OPCML: variants seen among roughly 807,000 people sequenced by gnomAD.
OPCML encodes the protein opioid-binding protein/cell adhesion molecule.
A neutral mutation model predicts 37.8 loss-of-function variants in OPCML; 13 were observed. The observed-to-expected ratio is 0.34, with a 90% CI of 0.22 to 0.55. The LOEUF (loss-of-function observed/expected upper bound fraction) is 0.55, where lower values mean the gene tolerates loss of function less well. Among genes scored for constraint, OPCML ranks in the 20% least tolerant of loss-of-function variants. OPCML has a pLI of 0.91. For missense variants in OPCML, 341 were observed against 435.6 expected, an observed-to-expected ratio of 0.78 and a Z score of 1.93; for synonymous variants, 176 against 168.8, an observed-to-expected ratio of 1.04 and a Z score of -0.33.
chr11:132,953,575 A>T (rs1042472526), intron 1 of OPCML, among the ~76,000 whole-genome samples: 1 of 152,302 alleles, frequency 6.6e-6, no homozygotes, highest in Admixed American at 6.5e-5. Flanking sequence ...ATTGAGACCT[A>T]CAAGCCATAA....
chr11:133,126,384 A>G (rs1402994051), intron 1 of OPCML, among the ~76,000 whole-genome samples: 1 of 152,134 alleles, frequency 6.6e-6, no homozygotes, highest in Admixed American at 6.5e-5. Context: ...TGTCAGTTTC[A>G]GCGCTCATCT....
chr11:132,909,222 A>T lies in OPCML; in HGVS notation c.146+33704T>A, dbSNP rs939750619. 3.3e-5 allele frequency among the ~76,000 whole-genome samples: 5 copies of T among 151,534 alleles called. No homozygotes were observed. The East Asian group carries it at 9.7e-4, about 29-fold the overall frequency. ...TCCACTTCTCACACATCCACACTTT[A>T]AAAAAAAATAACCAGTCTAATGGTA... is the stretch of plus-strand genomic sequence containing the variant. On this transcript the variant is annotated intron_variant, in intron 2 of 7. Transcript: ENST00000524381.
At chr11:132,546,554 T>C (rs1034733383) in intron 3 of OPCML, among the ~76,000 whole-genome samples, 3 of 152,326 alleles carry the variant, frequency 2.0e-5, no homozygotes, top group Non-Finnish European at 2.9e-5. Flanking sequence ...TAGTAAATCA[T>C]CTTTCCACAT....
At chr11:132,587,406 C>G (rs2096475292) in intron 3 of OPCML, among the ~76,000 whole-genome samples, 1 of 152,152 alleles carries the variant, frequency 6.6e-6, no homozygotes, top group Non-Finnish European at 1.5e-5. Flanking sequence ...GGCAGCCCAA[C>G]AGCAAAACAT....
intron 4 of OPCML, among the ~76,000 whole-genome samples, chr11:132,482,193 A>G (rs1565601137): frequency 2.0e-5 from 3 of 151,416 alleles, no homozygotes; most frequent in Admixed American, 2.0e-4. Context: ...AAAGAAAAAA[A>G]GAGAGAAGAA....
At chr11:133,094,955 T>C (rs1298760176) in intron 1 of OPCML, among the ~76,000 whole-genome samples, 7 of 152,092 alleles carry the variant, frequency 4.6e-5, no homozygotes, top group Non-Finnish European at 1.0e-4. Flanking sequence ...TATTTATTCA[T>C]CTGCTTGCTG....
rs1311064655 is a variant in OPCML at position 133,212,276 on chromosome 11, AG to A, written c.62-269267del. 6.6e-6 allele frequency among the ~76,000 whole-genome samples: 1 copy of A among 152,182 alleles called. No homozygotes were observed. Among genetic ancestry groups the A allele is most frequent in the Non-Finnish European group, 1.5e-5 (1 of 68,030 alleles). ...CAAAGTCCTCCTAATAGTCCGTGAC[AG>A]CCTACACAGCTGGGCATCATCTACC... is the stretch of plus-strand genomic sequence containing the variant. On this transcript the variant is annotated intron_variant, in intron 1 of 7. Transcript: ENST00000524381. This position sits in a 1 kb window ranked among gnomAD's most constrained non-coding sequence, Gnocchi z 4.9.
chr11:132,943,314 C>T lies in OPCML; in HGVS notation c.62-304G>A, dbSNP rs957844238. 1 of 646,356 alleles carries T rather than the reference C, an allele frequency of 1.5e-6. No individual in the cohort carries two copies. The highest frequency in any genetic ancestry group is 2.8e-5 in the East Asian group (1 of 35,636). The allele number at this position is 646,356 out of a possible 1,614,324, so 40.0% of individuals were successfully genotyped here. On this transcript the variant is annotated intron_variant, in intron 1 of 7. Coordinates refer to ENST00000524381, the MANE Select transcript of OPCML (RefSeq NM_001012393.5). The surrounding 1 kb of genome is among the most constrained non-coding windows in gnomAD (Gnocchi z 4.3). ...AGCCTAGCAGAACCAGATGCCCCCT[C>T]CTGCATCCAAAAAGAGCTTTCTTGA...
intron 1 of OPCML, among the ~76,000 whole-genome samples, chr11:133,479,764 C>T (rs1947334264): frequency 6.6e-6 from 1 of 152,200 alleles, no homozygotes. Context: ...GAGGACCACA[C>T]ACACCCACCG....
intron 2 of OPCML, among the ~76,000 whole-genome samples, chr11:132,911,336 G>A (rs1023390696): frequency 1.3e-5 from 2 of 152,212 alleles, no homozygotes; most frequent in Non-Finnish European, 2.9e-5. Context: ...CACTAATTCT[G>A]TGAACCCAGA....
rs548225842 is a variant in OPCML, at chr11:133,054,642, C to T, written c.62-111632G>A. 5.3e-5 allele frequency among the ~76,000 whole-genome samples: 8 copies of T among 152,342 alleles called. No homozygotes were observed. In the South Asian group the frequency reaches 6.2e-4, roughly 12 times the overall value. On this transcript the variant is annotated intron_variant, in intron 1 of 7. Coordinates refer to ENST00000524381, the MANE Select transcript of OPCML (RefSeq NM_001012393.5). ...TAAAATCAACAGGCAAAGATGATTT[C>T]GATTTAACCATCAGAAATGGGGACA...
chr11:132,942,899 G>GGGGCTCA, intron 2 of OPCML, 27 bp downstream of exon 2: 1 of 1,613,454 alleles, frequency 6.2e-7, no homozygotes, highest in South Asian at 1.1e-5. Flanking sequence ...CCAGGGGCTC[G>GGGGCTCA]GCCCCCGCGG....
At chr11:132,684,555 T>C (rs1300906104) in intron 2 of OPCML, among the ~76,000 whole-genome samples, 1 of 152,240 alleles carries the variant, frequency 6.6e-6, no homozygotes, top group Non-Finnish European at 1.5e-5. Flanking sequence ...GTTTAATATA[T>C]ATTTTTCTAC....
chr11:133,085,613 C>T (rs1380022807), intron 1 of OPCML, among the ~76,000 whole-genome samples: 1 of 152,138 alleles, frequency 6.6e-6, no homozygotes, highest in Non-Finnish European at 1.5e-5. Context: ...TATTCTCATA[C>T]AATAAAGTAC....
At chr11:132,685,522 A>C (rs1297272370) in intron 2 of OPCML, among the ~76,000 whole-genome samples, 1 of 152,168 alleles carries the variant, frequency 6.6e-6, no homozygotes, top group East Asian at 1.9e-4. Flanking sequence ...GCTGCAAAAA[A>C]CCACAAAGGA....
chr11:132,980,323 C>T (rs938923304), intron 1 of OPCML, among the ~76,000 whole-genome samples: 2 of 152,082 alleles, frequency 1.3e-5, no homozygotes, highest in African/African-American at 4.8e-5. Context: ...TTCTTAGTTG[C>T]CAGTTTATAT....
chr11:132,431,933 G>T (rs1050446073), intron 7 of OPCML, among the ~76,000 whole-genome samples: 6 of 152,154 alleles, frequency 3.9e-5, no homozygotes, highest in African/African-American at 1.4e-4. Flanking sequence ...TACAAGAATG[G>T]CTTCAGAAGT....
chr11:132,422,140 T>A (rs1344646142), intron 7 of OPCML, among the ~76,000 whole-genome samples: 1 of 152,166 alleles, frequency 6.6e-6, no homozygotes, highest in African/African-American at 2.4e-5. Context: ...TATATATATG[T>A]CTTTGTCTAA....
chr11:132,915,966 T>TTGTGAA (rs1944588950), intron 2 of OPCML, among the ~76,000 whole-genome samples: 1 of 152,330 alleles, frequency 6.6e-6, no homozygotes, highest in Admixed American at 6.5e-5. Context: ...AATATATCAG[T>TTGTGAA]CTTTTCCTTT....
Sources: gnomAD v4.1 joint callset for allele counts (sites outside exome capture counted in the v4.1 genomes callset) on GRCh38, gnomAD v4.1.1 for gene constraint, Gnocchi (gnomAD v3.1) non-coding constraint, MANE v1.5 for transcripts, NCBI Gene and HGNC (gene_info 2026-07-23, HGNC 2026-07-21) for gene names.